The following MRPS6 variants were observed in gnomAD, a reference collection of about 807,000 sequenced individuals.
MRPS6 encodes the protein mitochondrial ribosomal protein S6.
A neutral mutation model predicts 13.1 loss-of-function variants in MRPS6; 6 were observed. The ratio of observed to expected loss-of-function variants is 0.46; its 90% confidence interval spans 0.25 to 0.91. MRPS6 has a LOEUF of 0.91. MRPS6 is among the 40% of genes least tolerant of loss of function. The probability of loss-of-function intolerance (pLI) is 0.18; values close to 1 mark genes in which losing one functional copy is unlikely to be tolerated. For missense variants in MRPS6, 164 were observed against 155.6 expected (o/e 1.05, Z -0.29); for synonymous variants, 61 against 56.5 (o/e 1.08, Z -0.36).
chr21:34,128,528 A>G (rs1200061362), intron 2 of MRPS6, among the ~76,000 whole-genome samples: 1 of 152,192 alleles, frequency 6.6e-6, no homozygotes, highest in African/African-American at 2.4e-5. Context: ...TTATATCAAG[A>G]CTGTTTCCAG....
At chr21:34,137,062 T>C (rs920942334) in intron 2 of MRPS6, among the ~76,000 whole-genome samples, 4 of 152,178 alleles carry the variant, frequency 2.6e-5, no homozygotes, top group African/African-American at 9.7e-5. Context: ...TCATACTGTC[T>C]TGATGGCCAT....
chr21:34,078,847 A>G (rs183219334), intron 1 of MRPS6, among the ~76,000 whole-genome samples: 78 of 152,260 alleles, frequency 5.1e-4, no homozygotes, highest in Admixed American at 1.1e-3. Context: ...TTCCTATTTA[A>G]TGTTCTTAGC....
rs1979664613 is a variant in MRPS6 at position 34,110,760 on chromosome 21, G to C, written c.46-14581G>C. ...TGTTTGTCAATCAATACATGACCTT[G>C]CCTCATGTGTGTTTCTGTTTAAAGA... On this transcript the variant is annotated intron_variant, in intron 1 of 2. Transcript: ENST00000399312. Among the ~76,000 whole-genome samples the C allele has an allele frequency of 2.0e-5, 3 of 152,122 alleles. No individual in the cohort carries two copies. In the South Asian group the frequency reaches 6.2e-4, roughly 32 times the overall value.
intron 2 of MRPS6, 54 bp from the exon 3 acceptor site, chr21:34,142,351 ATAG>A (rs1202735414): frequency 6.6e-7 from 1 of 1,521,284 alleles, no homozygotes; most frequent in African/African-American, 1.4e-5. Flanking sequence ...ACTGACCAAA[ATAG>A]TAGAATTATT....
rs1291692547 is a variant in MRPS6, at chr21:34,096,780, A to G, written c.45+23035A>G. The G allele has an allele frequency of 7.4e-6, 12 of 1,613,878 alleles. No homozygotes were observed. Among genetic ancestry groups the G allele is most frequent in the Admixed American group, 1.7e-5 (1 of 59,968 alleles). On this transcript the variant is annotated intron_variant, in intron 1 of 2. Coordinates refer to ENST00000399312, the MANE Select transcript of MRPS6 (RefSeq NM_032476.4). The surrounding 1 kb of genome is among the most constrained non-coding windows in gnomAD (Gnocchi z 5.9). ...TTGGGTCACGGGACTCATTACTGTA[A>G]TTGTGAGCCTTCTCACACCACCTCC...
intron 1 of MRPS6, among the ~76,000 whole-genome samples, chr21:34,091,408 T>C (rs1299371953): frequency 2.0e-5 from 3 of 152,278 alleles, no homozygotes; most frequent in South Asian, 2.1e-4. Context: ...TGTTTACATA[T>C]AGTTCCAGAA....
At chr21:34,089,942 A>C (rs1267875644) in intron 1 of MRPS6, among the ~76,000 whole-genome samples, 2 of 152,224 alleles carry the variant, frequency 1.3e-5, no homozygotes, top group Non-Finnish European at 2.9e-5. Context: ...CCGTATCTTA[A>C]ATGCTTGGGA....
chr21:34,090,113 A>G (rs1453975329), intron 1 of MRPS6, among the ~76,000 whole-genome samples: 2 of 152,116 alleles, frequency 1.3e-5, no homozygotes, highest in African/African-American at 2.4e-5. Context: ...CAGATTTTGT[A>G]TTTTTGCATT....
intron 1 of MRPS6, chr21:34,100,434 CT>C: frequency 8.0e-6 from 8 of 1,000,196 alleles, no homozygotes; most frequent in Non-Finnish European, 9.6e-6. Context: ...GGTAATTATG[CT>C]TTGTCTTTAG....
At chr21:34,101,635 A>AT (rs1259964297) in intron 1 of MRPS6, 9 of 999,928 alleles carry the variant, frequency 9.0e-6, no homozygotes, top group East Asian at 1.1e-4. Context: ...TCAAATTTTG[A>AT]TTTTTTTGTC....
intron 2 of MRPS6, among the ~76,000 whole-genome samples, chr21:34,133,169 TAG>T (rs1980564862): frequency 6.6e-6 from 1 of 152,252 alleles, no homozygotes; most frequent in South Asian, 2.1e-4. Context: ...CTTTGAAAAT[TAG>T]AGTCTTATGA....
chr21:34,111,845 G>GTTT (rs60855689), intron 1 of MRPS6, among the ~76,000 whole-genome samples: 3 of 141,978 alleles, frequency 2.1e-5, no homozygotes, highest in East Asian at 2.1e-4. Context: ...CAGAGTTGAG[G>GTTT]TTTTTTTTTT....
In MRPS6 at chr21:34,134,590, C is replaced by T. The variant is rs145544865; in HGVS notation, c.186-7818C>T. On this transcript the variant is annotated intron_variant, in intron 2 of 2. Transcript: ENST00000399312. ...TATGTATACACTCACAGAATCACCA[C>T]GGTCAAGATAATAAACATATTTGTC... Among the ~76,000 whole-genome samples the T allele has an allele frequency of 3.2e-4, 48 of 152,310 alleles. No individual in the cohort carries two copies. The East Asian group carries it at 6.4e-3, about 20-fold the overall frequency.
intron 1 of MRPS6, among the ~76,000 whole-genome samples, chr21:34,106,548 G>C (rs569882520): frequency 6.6e-6 from 1 of 152,306 alleles, no homozygotes. Context: ...TGTTAAGAAT[G>C]GAATGAGGAA....
chr21:34,112,057 C>T (rs1356843377), intron 1 of MRPS6, among the ~76,000 whole-genome samples: 1 of 152,120 alleles, frequency 6.6e-6, no homozygotes, highest in East Asian at 1.9e-4. Flanking sequence ...TGTGCATTAA[C>T]TTCATTATGC....
chr21:34,111,845 G>GTTTTTTTTTTTTTTTTTTTTTTTT (rs60855689), intron 1 of MRPS6, among the ~76,000 whole-genome samples: 2 of 141,982 alleles, frequency 1.4e-5, no homozygotes, highest in Non-Finnish European at 1.6e-5. Context: ...CAGAGTTGAG[G>GTTTTTTTTTTTTTTTTTTTTTTTT]TTTTTTTTTT....
At chr21:34,124,213 C>G (rs555958867) in intron 1 of MRPS6, 2 of 152,236 alleles carry the variant, frequency 1.3e-5, no homozygotes, top group Admixed American at 1.3e-4. Flanking sequence ...AAACCAGATT[C>G]ATCTCTTACT....
intron 1 of MRPS6, chr21:34,099,216 A>G: frequency 1.0e-6 from 1 of 999,986 alleles, no homozygotes; most frequent in Non-Finnish European, 1.2e-6. Flanking sequence ...TTTATTCTTG[A>G]GGTTTATAAT....
chr21:34,129,585 C>T (rs1415157180), intron 2 of MRPS6, among the ~76,000 whole-genome samples: 2 of 152,132 alleles, frequency 1.3e-5, no homozygotes, highest in South Asian at 2.1e-4. Context: ...TACGGGTAAG[C>T]AGAATGATAA....
Sources: gnomAD v4.1 joint callset for allele counts (sites outside exome capture counted in the v4.1 genomes callset) on GRCh38, gnomAD v4.1.1 for gene constraint, Gnocchi (gnomAD v3.1) non-coding constraint, MANE v1.5 for transcripts, NCBI Gene and HGNC (gene_info 2026-07-23, HGNC 2026-07-21) for gene names.